The following MYBL1 variants were observed in gnomAD, a reference collection of about 807,000 sequenced individuals.
The protein encoded by MYBL1 is MYB proto-oncogene like 1.
In MYBL1, 17 loss-of-function variants were observed where a neutral mutation model predicts 96.3. The observed-to-expected ratio is 0.18, with a 90% confidence interval of 0.12 to 0.26. The LOEUF is 0.26. MYBL1 is among the 10% of genes least tolerant of loss of function. The pLI is 1.00. For missense variants in MYBL1, 701 were observed against 882.9 expected, an observed-to-expected ratio of 0.79 and a Z score of 2.61; for synonymous variants, 282 against 292.7, an observed-to-expected ratio of 0.96 and a Z score of 0.37.
At position 66,573,400 on chromosome 8, in the gene MYBL1, T is replaced by G; in HGVS notation, c.1577A>C (p.Lys526Thr). The G allele has an allele frequency of 6.2e-7, 1 of 1,611,702 alleles. No individual in the cohort carries two copies. Among genetic ancestry groups the G allele is most frequent in the East Asian group, 2.2e-5 (1 of 44,786 alleles). Reference protein sequence around the residue: ...QKALITTPLHKETTPKDQKEN... With the variant: ...QKALITTPLHTETTPKDQKEN... ...CTTTTGATCTTTGGGAGTTGTTTCC[T>G]TATGAAGAGGAGTTGTAATGAGAGC... The change falls in exon 11 of 16, where the codon AAG becomes ACG. Residue 526 changes from lysine (K) to threonine (T), a missense_variant. This residue lies in a region of MYBL1 where 396 missense variants were observed against 407.4 expected (regional missense o/e 0.97). Transcript: ENST00000522677.
At chr8:66,609,369 T>C (rs1810439892) in intron 1 of MYBL1, among the ~76,000 whole-genome samples, 1 of 151,946 alleles carries the variant, frequency 6.6e-6, no homozygotes, top group Admixed American at 6.5e-5. Flanking sequence ...TAAAATCGCA[T>C]CAAGTTGATA....
chr8:66,587,224 C>T (rs756845763), intron 8 of MYBL1, among the ~76,000 whole-genome samples: 1 of 152,036 alleles, frequency 6.6e-6, no homozygotes, highest in Non-Finnish European at 1.5e-5. Context: ...GTTCCCAACA[C>T]AAAGAAATGA....
chr8:66,570,339 G>A (rs944698297), intron 12 of MYBL1, among the ~76,000 whole-genome samples: 35 of 146,192 alleles, frequency 2.4e-4, no homozygotes, highest in African/African-American at 8.7e-4. Flanking sequence ...AAACAGAGCT[G>A]CACTCTGTCC....
chr8:66,591,681 G>A (rs1809651750), intron 8 of MYBL1, among the ~76,000 whole-genome samples: 1 of 151,620 alleles, frequency 6.6e-6, no homozygotes, highest in East Asian at 1.9e-4. Context: ...TAGTAAATAG[G>A]AAAAAATTTT....
rs1254775479 is a variant in MYBL1 at position 66,573,508 on chromosome 8, TA to T, written c.1471-3del. ...ATTACCAGGACATGTGTTGAAAAAC[TA>T]GAAAGGGAAGAGAGTTTAAAGACGA... On this transcript the variant is annotated splice_polypyrimidine_tract_variant and splice_region_variant and intron_variant, in intron 10 of 15. Coordinates refer to ENST00000522677, the MANE Select transcript of MYBL1 (RefSeq NM_001080416.4). 3 of 1,595,906 alleles carry T rather than the reference TA, an allele frequency of 1.9e-6. No homozygotes were observed. Among genetic ancestry groups the T allele is most frequent in the Non-Finnish European group, 2.6e-6 (3 of 1,173,128 alleles).
intron 12 of MYBL1, among the ~76,000 whole-genome samples, chr8:66,568,328 G>C (rs535389097): frequency 2.8e-4 from 43 of 152,088 alleles, no homozygotes; most frequent in Non-Finnish European, 5.4e-4. Flanking sequence ...ACCCAGGCTG[G>C]AGTGTAGTAG....
At chr8:66,596,850 T>C (rs995224367) in intron 5 of MYBL1, among the ~76,000 whole-genome samples, 4 of 152,188 alleles carry the variant, frequency 2.6e-5, no homozygotes, top group Admixed American at 1.3e-4. Context: ...CATGAATATA[T>C]ATACTACTTC....
intron 9 of MYBL1, among the ~76,000 whole-genome samples, chr8:66,577,692 T>C (rs1318062941): frequency 6.6e-6 from 1 of 152,118 alleles, no homozygotes; most frequent in East Asian, 1.9e-4. Context: ...CCCATCAAGC[T>C]ACCAATGACT....
rs75859818 is a variant in MYBL1, at chr8:66,584,954, C to T, written c.868-4588G>A. On this transcript the variant is annotated intron_variant, in intron 8 of 15. Coordinates refer to ENST00000522677, the MANE Select transcript of MYBL1 (RefSeq NM_001080416.4). ...AGAAGAATTAATATTGTGAAAATGACCATATTACCAAAAGTAATCTACGGT... is the reference window on the plus strand; with the variant it reads ...AGAAGAATTAATATTGTGAAAATGATCATATTACCAAAAGTAATCTACGGT... Among the ~76,000 whole-genome samples the T allele has an allele frequency of 4.2e-3, 643 of 152,138 alleles. 6 individuals carry two copies. Among genetic ancestry groups the T allele is most frequent in the African/African-American group, 0.015 (609 of 41,498 alleles).
intron 9 of MYBL1, among the ~76,000 whole-genome samples, chr8:66,578,503 G>A (rs1436980466): frequency 6.6e-6 from 1 of 152,182 alleles, no homozygotes; most frequent in Non-Finnish European, 1.5e-5. Context: ...CTGGCCATCA[G>A]AGAAATGCAA....
intron 15 of MYBL1, 183 bp from the exon 16 acceptor site, chr8:66,565,008 T>C: frequency 2.8e-6 from 1 of 358,334 alleles, no homozygotes; most frequent in Non-Finnish European, 4.8e-6. Context: ...ACTGAAATAT[T>C]TTTTATCAAG....
chr8:66,586,290 C>T (rs1298489842), intron 8 of MYBL1, among the ~76,000 whole-genome samples: 2 of 152,046 alleles, frequency 1.3e-5, no homozygotes, highest in Non-Finnish European at 2.9e-5. Flanking sequence ...AAGCAATCTA[C>T]CCACCTTAGC....
Position 66,573,386 on chromosome 8 carries a change from T to G in MYBL1, c.1591A>C (p.Lys531Gln), listed in dbSNP as rs748665548. 3.4e-5 allele frequency: 55 copies of G among 1,610,176 alleles called. No homozygotes were observed. Among genetic ancestry groups the G allele is most frequent in the Non-Finnish European group, 4.5e-5 (53 of 1,178,784 alleles). Residue 531 changes from lysine (K) to glutamine (Q), a missense_variant, in exon 11 of 16, where the codon AAA (lysine) becomes CAA (glutamine). Transcript: ENST00000522677. ...TTPLHKETTP[K>Q]DQKENVGFRT... Reference sequence around the variant, plus strand: ...TACCCTACATTTTCCTTTTGATCTTTGGGAGTTGTTTCCTTATGAAGAGGA... The same window carrying G: ...TACCCTACATTTTCCTTTTGATCTTGGGGAGTTGTTTCCTTATGAAGAGGA...
In MYBL1 at chr8:66,562,444, G is replaced by A. The variant is rs1021275411; in HGVS notation, c.*2253C>T. ...AAACAGTATAAAGGTGACTTAAGAT[G>A]CCTGACATGTTTAAGATAAAAAATC... On this transcript the variant is annotated 3_prime_UTR_variant, in exon 16 of 16. Transcript: ENST00000522677. 1.3e-5 allele frequency: 2 copies of A among 152,586 alleles called. No homozygotes were observed. Among genetic ancestry groups the A allele is most frequent in the African/African-American group, 4.8e-5 (2 of 41,442 alleles). The allele number at this position is 152,586 out of a possible 1,614,324, so 9.5% of individuals were successfully genotyped here.
chr8:66,580,415 G>T (rs1809160227), intron 8 of MYBL1, 49 bp from the exon 9 acceptor site: 5 of 1,256,448 alleles, frequency 4.0e-6, no homozygotes, highest in Non-Finnish European at 5.6e-6. Flanking sequence ...CTCAATGTAG[G>T]CATAAATTCA....
intron 8 of MYBL1, among the ~76,000 whole-genome samples, chr8:66,581,473 T>C (rs1044499421): frequency 6.6e-6 from 1 of 152,116 alleles, no homozygotes; most frequent in Non-Finnish European, 1.5e-5. Flanking sequence ...GCCCAGGAGT[T>C]TGAGAACAGT....
At chr8:66,612,260 A>C (rs1316343559) in intron 1 of MYBL1, 1 of 152,548 alleles carries the variant, frequency 6.6e-6, no homozygotes, top group African/African-American at 2.4e-5. Context: ...TATATACATA[A>C]AGCTGAGCAT....
At chr8:66,569,426 T>C (rs1255388820) in intron 12 of MYBL1, among the ~76,000 whole-genome samples, 1 of 151,714 alleles carries the variant, frequency 6.6e-6, no homozygotes, top group Non-Finnish European at 1.5e-5. Context: ...ATCAGCTCAC[T>C]GCAACCTCTA....
chr8:66,563,544 T>G lies in MYBL1; in HGVS notation c.*1153A>C, dbSNP rs898571706. 6.6e-6 allele frequency: 1 copy of G among 152,506 alleles called. No homozygotes were observed. The highest frequency in any genetic ancestry group is 2.1e-4 in the South Asian group (1 of 4,836). 9.4% of individuals were successfully genotyped at this position (152,506 alleles called of 1,614,324 possible). A position where few individuals can be genotyped will look rare whatever the true frequency, so the allele number is the denominator to read the frequency against. On this transcript the variant is annotated 3_prime_UTR_variant, in exon 16 of 16. Coordinates refer to ENST00000522677, the MANE Select transcript of MYBL1 (RefSeq NM_001080416.4). ...AAATATTTTTATAAATAAAAGATAA[T>G]GTTCTCCACTTCTGAAACACTGAGT...
Sources: gnomAD v4.1 joint callset for allele counts (sites outside exome capture counted in the v4.1 genomes callset) on GRCh38, gnomAD v4.1.1 for gene constraint, gnomAD v4.1.1 regional missense constraint, MANE v1.5 for transcripts, NCBI Gene and HGNC (gene_info 2026-07-23, HGNC 2026-07-21) for gene names.